The following LUZP2 variants were observed in gnomAD, a reference collection of about 807,000 sequenced individuals.
LUZP2 encodes leucine zipper protein 2.
Under a neutral mutation model 51.6 loss-of-function variants are expected in LUZP2, and 52 were observed. The observed-to-expected ratio is 1.01, with a 90% CI of 0.81 to 1.27. The LOEUF (loss-of-function observed/expected upper bound fraction) is 1.27. Among genes scored for constraint, LUZP2 ranks in the 50% most tolerant of loss-of-function variants. LUZP2 has a pLI of 0.00. For missense variants in LUZP2, 436 were observed against 395.4 expected, an observed-to-expected ratio of 1.10 and a Z score of -0.87; for synonymous variants, 154 against 137.3, an observed-to-expected ratio of 1.12 and a Z score of -0.85.
intron 8 of LUZP2, among the ~76,000 whole-genome samples, chr11:24,977,702 TA>T (rs1855916682): frequency 6.6e-6 from 1 of 151,706 alleles, no homozygotes; most frequent in Non-Finnish European, 1.5e-5. Context: ...AGGTAATAAA[TA>T]TATGTATGTT....
intron 1 of LUZP2, among the ~76,000 whole-genome samples, chr11:24,536,245 A>G (rs1588348): frequency 0.21 from 32,374 of 151,766 alleles, 4,244 homozygotes; most frequent in African/African-American, 0.37. Flanking sequence ...GCTTCAACTT[A>G]AAGTCACTAG....
At chr11:24,602,311 C>CTCATATATATGTACAT (rs1853752288) in intron 1 of LUZP2, among the ~76,000 whole-genome samples, 1 of 130,960 alleles carries the variant, frequency 7.6e-6, no homozygotes, top group African/African-American at 2.9e-5. Flanking sequence ...CATATATACA[C>CTCATATATATGTACAT]ACATATATAC....
intron 5 of LUZP2, among the ~76,000 whole-genome samples, chr11:24,822,212 C>G (rs890544478): frequency 6.6e-6 from 1 of 152,040 alleles, no homozygotes; most frequent in Non-Finnish European, 1.5e-5. Context: ...AAATGATGGT[C>G]TTTCTAATTT....
chr11:24,692,854 A>G (rs946844647), intron 1 of LUZP2, among the ~76,000 whole-genome samples: 1 of 152,040 alleles, frequency 6.6e-6, no homozygotes, highest in Non-Finnish European at 1.5e-5. Flanking sequence ...ACATTTAAGG[A>G]TAAAAACACA....
intron 4 of LUZP2, among the ~76,000 whole-genome samples, chr11:24,754,039 C>A (rs2134014423): frequency 6.6e-6 from 1 of 152,262 alleles, no homozygotes; most frequent in Non-Finnish European, 1.5e-5. Context: ...CCATTAATTT[C>A]CATTTTATTC....
At chr11:24,960,712 A>G (rs139808963) in intron 7 of LUZP2, among the ~76,000 whole-genome samples, 11 of 151,960 alleles carry the variant, frequency 7.2e-5, no homozygotes, top group Admixed American at 6.6e-4. Flanking sequence ...TGGATTCATT[A>G]ATTTTTTGAA....
intron 5 of LUZP2, among the ~76,000 whole-genome samples, chr11:24,770,349 G>T (rs904148032): frequency 1.3e-5 from 2 of 152,084 alleles, no homozygotes; most frequent in Admixed American, 1.3e-4. Flanking sequence ...GAGTGGGTTT[G>T]ATTCTGGTCA....
chr11:24,827,062 AG>A, intron 5 of LUZP2, among the ~76,000 whole-genome samples: 1 of 145,194 alleles, frequency 6.9e-6, no homozygotes, highest in South Asian at 2.3e-4. Flanking sequence ...ATTTCCAATA[AG>A]GATACAGCTA....
chr11:24,800,122 CT>C (rs2134113832), intron 5 of LUZP2, among the ~76,000 whole-genome samples: 1 of 152,244 alleles, frequency 6.6e-6, no homozygotes, highest in African/African-American at 2.4e-5. Context: ...CGCCCCCACC[CT>C]TGTTTTTTTA....
chr11:24,773,266 A>G (rs542217062), intron 5 of LUZP2, among the ~76,000 whole-genome samples: 1 of 152,206 alleles, frequency 6.6e-6, no homozygotes, highest in Non-Finnish European at 1.5e-5. Flanking sequence ...GCATACAAGT[A>G]TTATTAAAAT....
chr11:24,709,818 G>A (rs902863577), intron 1 of LUZP2, among the ~76,000 whole-genome samples: 9 of 152,152 alleles, frequency 5.9e-5, no homozygotes, highest in Non-Finnish European at 1.0e-4. Flanking sequence ...GGAATTGCAG[G>A]GATAATATAA....
chr11:24,982,812 A>T (rs750977037), intron 8 of LUZP2, among the ~76,000 whole-genome samples: 1 of 151,848 alleles, frequency 6.6e-6, no homozygotes, highest in Non-Finnish European at 1.5e-5. Flanking sequence ...TATTTTCTAC[A>T]TCAGAGTAAC....
rs563054603 is a variant in LUZP2 at position 24,535,777 on chromosome 11, TC to T, written c.62+38476del. On this transcript the variant is annotated intron_variant, in intron 1 of 11. Coordinates refer to ENST00000336930, the MANE Select transcript of LUZP2 (RefSeq NM_001009909.4). ...TTACAGGATTCCTCATAATTTGACC[TC>T]CCCACTGTGACTTACAAATGTTCTT... 1.1e-4 allele frequency among the ~76,000 whole-genome samples: 16 copies of T among 151,720 alleles called. No individual in the cohort carries two copies. In the East Asian group the frequency reaches 3.1e-3, roughly 30 times the overall value.
chr11:24,571,904 T>A (rs1590194662), intron 1 of LUZP2, among the ~76,000 whole-genome samples: 1 of 152,066 alleles, frequency 6.6e-6, no homozygotes, highest in Non-Finnish European at 1.5e-5. Context: ...AGTAAGATAA[T>A]GTACTTCTAC....
At chr11:24,786,551 C>G (rs1456689872) in intron 5 of LUZP2, 1 of 451,468 alleles carries the variant, frequency 2.2e-6, no homozygotes, top group Admixed American at 6.8e-5. Context: ...AATATATAAA[C>G]AGGTGTATAT....
intron 1 of LUZP2, among the ~76,000 whole-genome samples, chr11:24,670,801 A>G (rs755094844): frequency 1.3e-4 from 19 of 151,900 alleles, no homozygotes; most frequent in Non-Finnish European, 2.4e-4. Flanking sequence ...TGGTATTTAG[A>G]TTTATATTTT....
At chr11:24,671,833 T>G (rs1856410178) in intron 1 of LUZP2, among the ~76,000 whole-genome samples, 1 of 152,170 alleles carries the variant, frequency 6.6e-6, no homozygotes, top group South Asian at 2.1e-4. Context: ...GTAGCCCATG[T>G]AATCAATAGG....
chr11:24,731,702 T>A (rs1023265561), intron 2 of LUZP2, among the ~76,000 whole-genome samples: 1 of 151,816 alleles, frequency 6.6e-6, no homozygotes, highest in Non-Finnish European at 1.5e-5. Context: ...ACTATTTTAA[T>A]CTTGAATTGT....
intron 9 of LUZP2, among the ~76,000 whole-genome samples, chr11:25,025,687 T>C (rs552941675): frequency 9.2e-5 from 14 of 152,280 alleles, no homozygotes; most frequent in Middle Eastern, 3.4e-3. Context: ...ACTTTTACAC[T>C]GTTGATGGGA....
Sources: allele counts gnomAD v4.1 joint callset (sites outside exome capture counted in the v4.1 genomes callset), GRCh38; gene constraint gnomAD v4.1.1; transcripts MANE v1.5; gene names NCBI Gene and HGNC (gene_info 2026-07-23, HGNC 2026-07-21).